The following ITSN2 variants were observed in gnomAD, a reference collection of about 807,000 sequenced individuals.
The protein encoded by ITSN2 is intersectin 2, also known as intersectin-2.
Under a neutral mutation model 243.7 loss-of-function variants are expected in ITSN2, and 156 were observed. The observed-to-expected ratio is 0.64, with a 90% confidence interval of 0.56 to 0.73. The LOEUF (loss-of-function observed/expected upper bound fraction) is 0.73, where lower values mean the gene tolerates loss of function less well. Among genes scored for constraint, ITSN2 ranks in the 30% least tolerant of loss-of-function variants. ITSN2 has a pLI of 0.00. For synonymous variants in ITSN2, 703 were observed against 699.9 expected, an observed-to-expected ratio of 1.00 and a Z score of -0.07; for missense variants, 1,801 against 1,996.1, an observed-to-expected ratio of 0.90 and a Z score of 1.86.
chr2:24,306,125 G>A (rs1321502769), intron 8 of ITSN2, among the ~76,000 whole-genome samples: 1 of 152,026 alleles, frequency 6.6e-6, no homozygotes, highest in Admixed American at 6.5e-5. Context: ...GATTACAGGC[G>A]TCCACCACCA....
At chr2:24,216,669 G>T (rs1669983339) in intron 31 of ITSN2, among the ~76,000 whole-genome samples, 1 of 152,070 alleles carries the variant, frequency 6.6e-6, no homozygotes, top group Non-Finnish European at 1.5e-5. Flanking sequence ...TAGGAGGATT[G>T]CTTGAATCCA....
intron 2 of ITSN2, among the ~76,000 whole-genome samples, chr2:24,324,228 T>G (rs1372813254): frequency 1.3e-5 from 2 of 151,978 alleles, no homozygotes; most frequent in South Asian, 4.1e-4. Context: ...CGAGACTCCG[T>G]CTCAAAAAAA....
intron 37 of ITSN2, chr2:24,206,365 C>A: frequency 5.8e-6 from 2 of 344,436 alleles, no homozygotes; most frequent in South Asian, 4.6e-5. Flanking sequence ...CATGGGGGGG[C>A]CCGGCGGGAA....
intron 8 of ITSN2, among the ~76,000 whole-genome samples, chr2:24,306,246 T>C (rs940793030): frequency 2.6e-5 from 4 of 152,090 alleles, no homozygotes; most frequent in Non-Finnish European, 4.4e-5. Flanking sequence ...TCCCAAAATG[T>C]TGGAATTACA....
At position 24,249,709 on chromosome 2, in the gene ITSN2, A is replaced by G. The variant is rs1673860701; in HGVS notation, c.3121-827T>C. ...TACAGAGAAGGAAACTGAGGCACAG[A>G]AAGGTACAGTAACTTGTCCAAGGTC... On this transcript the variant is annotated intron_variant, in intron 25 of 39. Transcript: ENST00000355123. The surrounding 1 kb of genome is among the most constrained non-coding windows in gnomAD (Gnocchi z 4.4). 6.6e-6 allele frequency among the ~76,000 whole-genome samples: 1 copy of G among 152,198 alleles called. No individual in the cohort carries two copies. The highest frequency in any genetic ancestry group is 1.5e-5 in the Non-Finnish European group (1 of 68,020).
At position 24,252,500 on chromosome 2, in the gene ITSN2, G is replaced by C; in HGVS notation, c.2965C>G (p.Leu989Val). 1.2e-6 allele frequency: 2 copies of C among 1,610,292 alleles called. No individual in the cohort carries two copies. The highest frequency in any genetic ancestry group is 1.7e-6 in the Non-Finnish European group (2 of 1,177,168). ...AYSVGEEYIA[L>V]YPYSSVEPGD... ...GGTTCCACACTTGAATATGGATAAA[G>C]TGCAATATATTCTGTAGGGAACAAA... Residue 989 changes from leucine (L) to valine (V), a missense_variant, in exon 25 of 40, where the codon CTT (leucine) becomes GTT (valine). Around this residue, in one of 5 missense-constraint regions of ITSN2, gnomAD observed 928 missense variants for 1,065.4 expected, o/e 0.87. Transcript: ENST00000355123.
At chr2:24,329,595 G>C (rs937801324) in intron 1 of ITSN2, among the ~76,000 whole-genome samples, 15 of 152,140 alleles carry the variant, frequency 9.9e-5, no homozygotes, top group African/African-American at 3.1e-4. Flanking sequence ...AGTAGGACCA[G>C]TTAGGAAGTG....
intron 35 of ITSN2, among the ~76,000 whole-genome samples, chr2:24,209,433 C>A (rs1395746653): frequency 2.6e-5 from 4 of 152,206 alleles, no homozygotes; most frequent in Non-Finnish European, 4.4e-5. Context: ...CGAGGTGGGT[C>A]AGGTGTTGGG....
At chr2:24,295,880 T>G in intron 13 of ITSN2, 76 bp from the exon 14 acceptor site, 1 of 1,102,330 alleles carries the variant, frequency 9.1e-7, no homozygotes, top group Non-Finnish European at 1.3e-6. Flanking sequence ...AATAATATTT[T>G]TAGTTAAATT....
chr2:24,246,343 A>T, intron 28 of ITSN2, 23 bp from the exon 29 acceptor site: 1 of 1,428,174 alleles, frequency 7.0e-7, no homozygotes, highest in Non-Finnish European at 9.7e-7. Context: ...TAACAAAATA[A>T]CACATTAAAC....
chr2:24,205,257 C>G lies in ITSN2; in HGVS notation c.4719G>C (p.Val1573=), dbSNP rs148880565. The change falls in exon 38 of 40, where the codon GTG becomes GTC. Residue 1573 remains valine (V), a synonymous_variant. Coordinates refer to ENST00000355123, the MANE Select transcript of ITSN2 (RefSeq NM_006277.3). ...TTAATTCTGTAGCTTCAATGACATGCACCATCAGGCGCCCAATGCCTGAAG... is the reference window on the plus strand; with the variant it reads ...TTAATTCTGTAGCTTCAATGACATGGACCATCAGGCGCCCAATGCCTGAAG... ...QKTSGIGRLM[V]HVIEATELKA... 1.2e-6 allele frequency: 2 copies of G among 1,613,944 alleles called. No individual in the cohort carries two copies. Among genetic ancestry groups the G allele is most frequent in the African/African-American group, 2.7e-5 (2 of 74,936 alleles).
At chr2:24,294,807 C>T (rs1298532718) in intron 14 of ITSN2, among the ~76,000 whole-genome samples, 2 of 152,146 alleles carry the variant, frequency 1.3e-5, no homozygotes, top group Admixed American at 1.3e-4. Context: ...GAACCTAACT[C>T]CCAATGCAGT....
intron 1 of ITSN2, among the ~76,000 whole-genome samples, chr2:24,330,054 T>G (rs1685600153): frequency 6.6e-6 from 1 of 152,244 alleles, no homozygotes; most frequent in Admixed American, 6.5e-5. Flanking sequence ...TTTCTGTGGC[T>G]GAGACCATTT....
intron 1 of ITSN2, among the ~76,000 whole-genome samples, chr2:24,337,052 C>T (rs560375335): frequency 4.0e-5 from 6 of 150,200 alleles, no homozygotes; most frequent in Admixed American, 1.3e-4. Context: ...TCTCCTGTAA[C>T]TTGGCTTTTC....
chr2:24,205,674 A>G (rs945173163), intron 37 of ITSN2: 5 of 248,020 alleles, frequency 2.0e-5, no homozygotes, highest in Admixed American at 4.6e-5. Context: ...GACAGGAGCC[A>G]GGGTAGAGCA....
intron 27 of ITSN2, among the ~76,000 whole-genome samples, chr2:24,248,161 GA>G (rs149237671): frequency 1.1e-3 from 157 of 146,420 alleles, no homozygotes; most frequent in Non-Finnish European, 1.8e-3. Context: ...ACGTTTTAGG[GA>G]AAAAAAAAAG....
intron 1 of ITSN2, among the ~76,000 whole-genome samples, chr2:24,358,539 C>T (rs1018673382): frequency 2.0e-5 from 3 of 152,062 alleles, no homozygotes; most frequent in African/African-American, 7.3e-5. Context: ...ATATGTGACC[C>T]TTTTGTCTTA....
In ITSN2 at chr2:24,314,930, TC is replaced by T. The variant is rs1425508483; in HGVS notation, c.124+201del. Among the ~76,000 whole-genome samples the T allele has an allele frequency of 2.0e-5, 3 of 152,266 alleles. No individual in the cohort carries two copies. In the East Asian group the frequency reaches 5.8e-4, roughly 29 times the overall value. On this transcript the variant is annotated intron_variant, in intron 3 of 39. Transcript: ENST00000355123. ...ACTATCATTTAGGATTCAGGAAAAA[TC>T]TTCCATATCCCAAATTTAAAACAAC...
At chr2:24,265,973 C>T (rs1417597501) in intron 20 of ITSN2, among the ~76,000 whole-genome samples, 1 of 152,128 alleles carries the variant, frequency 6.6e-6, no homozygotes, top group Non-Finnish European at 1.5e-5. Flanking sequence ...TGTGCTTTGT[C>T]ATCTACAAAT....
Sources: gnomAD v4.1 joint callset for allele counts (sites outside exome capture counted in the v4.1 genomes callset) on GRCh38, gnomAD v4.1.1 for gene constraint, gnomAD v4.1.1 regional missense constraint, Gnocchi (gnomAD v3.1) non-coding constraint, MANE v1.5 for transcripts, NCBI Gene and HGNC (gene_info 2026-07-23, HGNC 2026-07-21) for gene names.